The following PRKAR1B variants were observed in gnomAD, a reference collection of about 807,000 sequenced individuals.
PRKAR1B encodes cAMP-dependent protein kinase type I-beta regulatory subunit.
A neutral mutation model predicts 46.5 loss-of-function variants in PRKAR1B; 22 were observed. The observed-to-expected ratio is 0.47, with a 90% CI of 0.34 to 0.68. The LOEUF (loss-of-function observed/expected upper bound fraction) is 0.68. PRKAR1B is among the 30% of genes least tolerant of loss of function. PRKAR1B has a pLI of 0.01. For synonymous variants in PRKAR1B, 259 were observed against 217.7 expected (o/e 1.19, Z -1.67); for missense variants, 445 against 535.6 (o/e 0.83, Z 1.67).
chr7:616,457 GGA>G (rs1782828937), intron 4 of PRKAR1B, among the ~76,000 whole-genome samples: 3 of 152,254 alleles, frequency 2.0e-5, no homozygotes, highest in Admixed American at 6.5e-5. Context: ...GGACCAGCTG[GGA>G]AACAGTGATG....
chr7:651,916 C>T (rs2128490365), intron 4 of PRKAR1B, among the ~76,000 whole-genome samples: 1 of 90,162 alleles, frequency 1.1e-5, no homozygotes, highest in Admixed American at 1.0e-4. Context: ...GGGGAAACCC[C>T]TCTCGGAACA....
chr7:615,620 G>A (rs1268172740), intron 4 of PRKAR1B, among the ~76,000 whole-genome samples: 2 of 151,114 alleles, frequency 1.3e-5, no homozygotes, highest in Non-Finnish European at 3.0e-5. Flanking sequence ...GGCGGATCAC[G>A]AGGTCAGGAG....
At chr7:607,494 A>G (rs1337558706) in intron 4 of PRKAR1B, 42 bp from the exon 5 acceptor site, 1 of 1,554,616 alleles carries the variant, frequency 6.4e-7, no homozygotes. Context: ...CAGGCAGCAC[A>G]GGGACATTTA....
Position 696,552 on chromosome 7 carries a change from G to C in PRKAR1B, c.177+14777C>G, listed in dbSNP as rs954076895. ...ATCTCCCAAAGTGCTGGGATGACAG[G>C]TGTGAGCCACCGCGCCCGGCCTCAA... On this transcript the variant is annotated intron_variant, in intron 2 of 10. Coordinates refer to ENST00000537384, the MANE Select transcript of PRKAR1B (RefSeq NM_001164760.2). Among the ~76,000 whole-genome samples, 28 of 152,308 alleles carry C rather than the reference G, an allele frequency of 1.8e-4. 1 individual carries two copies. Among genetic ancestry groups the C allele is most frequent in the African/African-American group, 6.3e-4 (26 of 41,556 alleles).
At chr7:583,453 C>A (rs529752706) in intron 8 of PRKAR1B, among the ~76,000 whole-genome samples, 7 of 142,022 alleles carry the variant, frequency 4.9e-5, no homozygotes, top group Admixed American at 2.1e-4. Context: ...ACACTCACAC[C>A]CACTCACACA....
intron 7 of PRKAR1B, 97 bp downstream of exon 7, chr7:596,049 C>G: frequency 6.8e-7 from 1 of 1,465,518 alleles, no homozygotes; most frequent in Non-Finnish European, 9.2e-7. Context: ...AGTGTCTTTT[C>G]TCCAGGTGCA....
intron 1 of PRKAR1B, among the ~76,000 whole-genome samples, chr7:722,661 C>T (rs1230717720): frequency 7.2e-5 from 11 of 152,220 alleles, no homozygotes; most frequent in Non-Finnish European, 1.0e-4. Flanking sequence ...CGTGAGCCAC[C>T]GCGCCCAGCT....
rs1192330918 is a variant in PRKAR1B, at chr7:629,379, C to T, written c.441-21927G>A. ...CCAAGGCTGGAAAATGCTGCAGAAG[C>T]GGGACCACGGCCTCCGAGGGCGCCA... On this transcript the variant is annotated intron_variant, in intron 4 of 10. Transcript: ENST00000537384. 2.4e-4 allele frequency among the ~76,000 whole-genome samples: 33 copies of T among 137,630 alleles called. 4 individuals carry two copies. The highest frequency in any genetic ancestry group is 4.3e-3 in the Middle Eastern group (1 of 234). 90.3% of individuals were successfully genotyped at this position (137,630 alleles called of 152,430 possible). A position where few individuals can be genotyped will look rare whatever the true frequency, so the allele number is the denominator to read the frequency against.
rs1192198650 is a variant in PRKAR1B at position 644,337 on chromosome 7, G to A, written c.440+32892C>T. Among the ~76,000 whole-genome samples, 27 of 152,200 alleles carry A rather than the reference G, an allele frequency of 1.8e-4. No homozygotes were observed. Among genetic ancestry groups the A allele is most frequent in the Admixed American group, 1.8e-3 (27 of 15,272 alleles). ...CCTGCTCCACCCCACACTGTGAGGA[G>A]CTGGAGGTACACAATGAGGTGGGGA... On this transcript the variant is annotated intron_variant, in intron 4 of 10. Transcript: ENST00000537384. This position sits in a 1 kb window ranked among gnomAD's most constrained non-coding sequence, Gnocchi z 4.9.
In PRKAR1B at chr7:571,686, T is replaced by C. The variant is rs533527809; in HGVS notation, c.891+7570A>G. Among the ~76,000 whole-genome samples the C allele has an allele frequency of 2.4e-4, 37 of 152,246 alleles. No homozygotes were observed. The South Asian group carries it at 7.7e-3, about 32-fold the overall frequency. On this transcript the variant is annotated intron_variant, in intron 9 of 10. Transcript: ENST00000537384. ...TCCCGGGGTCCAGCTGCCCCCAGGC[T>C]GTGGGGAGGTCTCCGGGAGGGGAAC...
chr7:640,634 C>T (rs1037090310), intron 4 of PRKAR1B, among the ~76,000 whole-genome samples: 6 of 151,800 alleles, frequency 4.0e-5, no homozygotes, highest in Admixed American at 2.0e-4. Context: ...GTGGTGGCAG[C>T]TGCCTGTAAT....
chr7:651,360 T>C (rs145517578), intron 4 of PRKAR1B, among the ~76,000 whole-genome samples: 45 of 152,342 alleles, frequency 3.0e-4, no homozygotes, highest in African/African-American at 1.1e-3. Flanking sequence ...GAGTTCCATG[T>C]TCCTCGGAAA....
At chr7:608,188 G>A (rs1782222868) in intron 4 of PRKAR1B, 1 of 152,338 alleles carries the variant, frequency 6.6e-6, no homozygotes, top group African/African-American at 2.4e-5. Context: ...CTTATTAACA[G>A]ATGCAATAAC....
chr7:561,738 G>T (rs931623208), intron 9 of PRKAR1B, among the ~76,000 whole-genome samples: 1 of 152,246 alleles, frequency 6.6e-6, no homozygotes, highest in Admixed American at 6.5e-5. Flanking sequence ...CTGTGCCAGC[G>T]TTTAATGGAT....
intron 9 of PRKAR1B, chr7:565,128 G>A (rs1012909266): frequency 2.0e-5 from 3 of 152,194 alleles, no homozygotes; most frequent in Non-Finnish European, 4.4e-5. Context: ...GAATAAGATC[G>A]GAATAATTCC....
At chr7:606,127 G>C in intron 6 of PRKAR1B, 66 bp downstream of exon 6, 1 of 1,522,616 alleles carries the variant, frequency 6.6e-7, no homozygotes, top group African/African-American at 1.4e-5. Context: ...GCTGCCTGGA[G>C]GGCAAGTCTT....
rs567401669 is a variant in PRKAR1B, at chr7:714,523, C to T, written c.-22-2996G>A. Among the ~76,000 whole-genome samples, 6 of 152,346 alleles carry T rather than the reference C, an allele frequency of 3.9e-5. No homozygotes were observed. In the South Asian group the frequency reaches 1.2e-3, roughly 32 times the overall value. On this transcript the variant is annotated intron_variant, in intron 1 of 10. Transcript: ENST00000537384. This position sits in a 1 kb window ranked among gnomAD's most constrained non-coding sequence, Gnocchi z 4.3. Reference sequence around the variant, plus strand: ...TGAGCTCCTCTCCTCATTGCCACGACGGCAGCTCCCACTGCCTCTCTCTTT... The same window carrying T: ...TGAGCTCCTCTCCTCATTGCCACGATGGCAGCTCCCACTGCCTCTCTCTTT...
chr7:604,194 G>A (rs1269641133), intron 6 of PRKAR1B, among the ~76,000 whole-genome samples: 6 of 152,328 alleles, frequency 3.9e-5, no homozygotes, highest in South Asian at 2.1e-4. Flanking sequence ...GCCCCAAGAC[G>A]ATGCCCGGCT....
At chr7:579,529 G>A in intron 8 of PRKAR1B, 152 bp from the exon 9 acceptor site, 2 of 1,065,184 alleles carry the variant, frequency 1.9e-6, no homozygotes, top group Non-Finnish European at 2.7e-6. Flanking sequence ...ATGAGGCCGT[G>A]ACGCTGTCCC....
Sources: gnomAD v4.1 joint callset for allele counts (sites outside exome capture counted in the v4.1 genomes callset) on GRCh38, gnomAD v4.1.1 for gene constraint, Gnocchi (gnomAD v3.1) non-coding constraint, MANE v1.5 for transcripts, NCBI Gene and HGNC (gene_info 2026-07-23, HGNC 2026-07-21) for gene names.